PLCL2: variants seen among roughly 807,000 people sequenced by gnomAD.
PLCL2 encodes the protein inactive phospholipase C-like protein 2.
PLCL2 carries 4 observed loss-of-function variants against 79.6 expected under a neutral mutation model. The ratio of observed to expected loss-of-function variants is 0.05; its 90% CI spans 0.02 to 0.11. The LOEUF (loss-of-function observed/expected upper bound fraction) is 0.11, where lower values mean the gene tolerates loss of function less well. PLCL2 is among the 10% of genes least tolerant of loss of function. PLCL2 has a pLI of 1.00. For missense variants in PLCL2, 895 were observed against 1,291.0 expected (o/e 0.69, Z 4.70); for synonymous variants, 484 against 457.7 (o/e 1.06, Z -0.73).
chr3:16,994,166 T>G lies in PLCL2; in HGVS notation c.328-15508T>G, dbSNP rs532702844. On this transcript the variant is annotated intron_variant, in intron 1 of 5. Coordinates refer to ENST00000615277, the MANE Select transcript of PLCL2 (RefSeq NM_001144382.2). ...AAAACTGCTTTTTATTTTAGTTTGA[T>G]AAGCTAATTAATTTGGAAGGGACTT... is the stretch of plus-strand genomic sequence containing the variant. Among the ~76,000 whole-genome samples the G allele has an allele frequency of 2.0e-5, 3 of 152,330 alleles. No homozygotes were observed. In the South Asian group the frequency reaches 6.2e-4, roughly 32 times the overall value.
intron 1 of PLCL2, among the ~76,000 whole-genome samples, chr3:16,911,017 C>T (rs1379846892): frequency 6.6e-6 from 1 of 152,090 alleles, no homozygotes; most frequent in Non-Finnish European, 1.5e-5. Flanking sequence ...CTTTGGGAGG[C>T]GAAGGTGGGT....
chr3:16,886,009 AG>A lies in PLCL2; in HGVS notation c.327+645del, dbSNP rs1424578639. 6.6e-6 allele frequency among the ~76,000 whole-genome samples: 1 copy of A among 152,234 alleles called. No homozygotes were observed. The highest frequency in any genetic ancestry group is 1.9e-4 in the East Asian group (1 of 5,204). On this transcript the variant is annotated intron_variant, in intron 1 of 5. Transcript: ENST00000615277. This position sits in a 1 kb window ranked among gnomAD's most constrained non-coding sequence, Gnocchi z 4.2. ...ATTTAATCTTTTTCCTTGCTGCAGT[AG>A]GCAGGCCTCGAGTACTGTGGAAGTT...
intron 4 of PLCL2, among the ~76,000 whole-genome samples, chr3:17,056,702 T>A (rs1232947965): frequency 6.6e-6 from 1 of 152,216 alleles, no homozygotes; most frequent in Admixed American, 6.5e-5. Flanking sequence ...CATGACAAGT[T>A]ATTATACTAA....
At chr3:16,936,477 C>A (rs1697541286) in intron 1 of PLCL2, among the ~76,000 whole-genome samples, 1 of 152,008 alleles carries the variant, frequency 6.6e-6, no homozygotes, top group Admixed American at 6.6e-5. Flanking sequence ...GTTTGATAAA[C>A]TCTGTGGTTT....
At chr3:17,003,904 G>A (rs1044828043) in intron 1 of PLCL2, among the ~76,000 whole-genome samples, 1 of 152,126 alleles carries the variant, frequency 6.6e-6, no homozygotes, top group South Asian at 2.1e-4. Context: ...AGCACCCATG[G>A]AGAAGATTTA....
intron 1 of PLCL2, among the ~76,000 whole-genome samples, chr3:16,949,688 C>A (rs988702649): frequency 2.0e-5 from 3 of 152,248 alleles, no homozygotes; most frequent in African/African-American, 4.8e-5. Context: ...TTGTTTAATT[C>A]TCTGCTGTTG....
intron 5 of PLCL2, among the ~76,000 whole-genome samples, chr3:17,074,728 G>A (rs958097452): frequency 6.6e-6 from 1 of 152,186 alleles, no homozygotes; most frequent in Non-Finnish European, 1.5e-5. Flanking sequence ...TTGCTGCTTC[G>A]CATTGCACTT....
rs192811560 is a variant in PLCL2 at position 17,010,534 on chromosome 3, A to G, written c.1188A>G (p.Glu396=). Residue 396 remains glutamate, a synonymous_variant, in exon 2 of 6, where the codon GAA becomes GAG. Coordinates refer to ENST00000615277, the MANE Select transcript of PLCL2 (RefSeq NM_001144382.2). This position sits in a 1 kb window ranked among gnomAD's most constrained non-coding sequence, Gnocchi z 5.8. ...ATGAACCATCCAAAGAGGGTCAGGA[A>G]AAGGGCTGGCTCTCCATAGACGGGT... ...HKYEPSKEGQ[E]KGWLSIDGFT... The G allele has an allele frequency of 5.8e-5, 93 of 1,614,150 alleles. No individual in the cohort carries two copies. In the Middle Eastern group the frequency reaches 6.6e-4, roughly 11 times the overall value.
intron 1 of PLCL2, among the ~76,000 whole-genome samples, chr3:16,994,342 A>G (rs1015555214): frequency 1.3e-5 from 2 of 152,054 alleles, no homozygotes; most frequent in African/African-American, 4.8e-5. Context: ...GTTTTTATTG[A>G]TTTCTTAACC....
Position 17,008,348 on chromosome 3 carries a change from G to C in PLCL2, c.328-1326G>C, listed in dbSNP as rs530752207. 7.0e-4 allele frequency among the ~76,000 whole-genome samples: 105 copies of C among 150,584 alleles called. No homozygotes were observed. In the South Asian group the frequency reaches 0.011, roughly 15 times the overall value. ...ACTTTGGAGAGAGGAATTTCTGCTG[G>C]AATTCCCATTTAACAGTTACTTAAT... On this transcript the variant is annotated intron_variant, in intron 1 of 5. Transcript: ENST00000615277.
intron 3 of PLCL2, among the ~76,000 whole-genome samples, chr3:17,018,407 G>C (rs1288764699): frequency 6.6e-6 from 1 of 152,180 alleles, no homozygotes; most frequent in Non-Finnish European, 1.5e-5. Flanking sequence ...TAAGCTCAGT[G>C]TCCTTAAGTA....
At chr3:17,000,714 G>A (rs969691137) in intron 1 of PLCL2, among the ~76,000 whole-genome samples, 1 of 151,928 alleles carries the variant, frequency 6.6e-6, no homozygotes, top group Admixed American at 6.6e-5. Flanking sequence ...ATTTAATGAT[G>A]TCCTCCAGTT....
intron 1 of PLCL2, among the ~76,000 whole-genome samples, chr3:16,903,752 T>C (rs960239299): frequency 3.3e-4 from 51 of 152,302 alleles, no homozygotes; most frequent in African/African-American, 1.1e-3. Flanking sequence ...AGCTTTATTT[T>C]TGGGAAATGA....
rs1401920613 is a variant in PLCL2, at chr3:17,010,297, A to G, written c.951A>G (p.Lys317=). 3.1e-6 allele frequency: 5 copies of G among 1,614,154 alleles called. No homozygotes were observed. The South Asian group carries it at 4.4e-5, about 14-fold the overall frequency. The change falls in exon 2 of 6, where the codon AAA becomes AAG. Residue 317 remains lysine, a synonymous_variant. Coordinates refer to ENST00000615277, the MANE Select transcript of PLCL2 (RefSeq NM_001144382.2). This position sits in a 1 kb window ranked among gnomAD's most constrained non-coding sequence, Gnocchi z 5.8. ...AGCTTAAGTTCAAAGAATTGCATAA[A>G]TCAAAGGACAAAGCTGGTACCGAGG... ...KIELKFKELH[K]SKDKAGTEVT...
intron 1 of PLCL2, among the ~76,000 whole-genome samples, chr3:16,977,262 G>T (rs2063936127): frequency 1.3e-5 from 2 of 151,950 alleles, no homozygotes; most frequent in African/African-American, 4.8e-5. Flanking sequence ...GTATATCCTA[G>T]AACATAGTCC....
chr3:16,983,945 C>T (rs1392662737), intron 1 of PLCL2, among the ~76,000 whole-genome samples: 1 of 152,112 alleles, frequency 6.6e-6, no homozygotes, highest in East Asian at 1.9e-4. Flanking sequence ...GGGTCAGCAG[C>T]AAATTGTATT....
chr3:16,905,823 A>G (rs1161376658), intron 1 of PLCL2, among the ~76,000 whole-genome samples: 1 of 152,168 alleles, frequency 6.6e-6, no homozygotes, highest in Non-Finnish European at 1.5e-5. Flanking sequence ...TGTGTACCCC[A>G]ATCTTTGGTG....
At chr3:16,997,172 A>G (rs1455740944) in intron 1 of PLCL2, among the ~76,000 whole-genome samples, 1 of 152,216 alleles carries the variant, frequency 6.6e-6, no homozygotes, top group Non-Finnish European at 1.5e-5. Flanking sequence ...AGTTCATTGA[A>G]AAGATTTTCT....
intron 1 of PLCL2, among the ~76,000 whole-genome samples, chr3:16,980,581 G>A (rs1325992002): frequency 2.0e-5 from 3 of 151,666 alleles, no homozygotes; most frequent in Non-Finnish European, 4.4e-5. Flanking sequence ...ATGTGATGGC[G>A]GCCGGGAAGA....
Sources: allele counts gnomAD v4.1 joint callset (sites outside exome capture counted in the v4.1 genomes callset), GRCh38; gene constraint gnomAD v4.1.1; non-coding constraint Gnocchi (gnomAD v3.1); transcripts MANE v1.5; gene names NCBI Gene and HGNC (gene_info 2026-07-23, HGNC 2026-07-21).